PDZK1: variants seen among roughly 807,000 people sequenced by gnomAD.
PDZK1 encodes the protein Na(+)/H(+) exchange regulatory cofactor NHE-RF3.
A neutral mutation model predicts 38.1 loss-of-function variants in PDZK1; 23 were observed. The ratio of observed to expected loss-of-function variants is 0.60; its 90% confidence interval spans 0.43 to 0.85. PDZK1 has a LOEUF of 0.85. PDZK1 is among the 40% of genes least tolerant of loss of function. The pLI is 0.00. For missense variants in PDZK1, 297 were observed against 504.3 expected (o/e 0.59, Z 3.94); for synonymous variants, 98 against 186.2 (o/e 0.53, Z 3.86).
chr1:145,696,314 C>G (rs921735584), intron 1 of PDZK1, among the ~76,000 whole-genome samples: 1 of 152,202 alleles, frequency 6.6e-6, no homozygotes, highest in Non-Finnish European at 1.5e-5. Flanking sequence ...ACTAACCAGC[C>G]TGGATAGCTT....
intron 5 of PDZK1, among the ~76,000 whole-genome samples, chr1:145,680,175 T>A (rs1217964396): frequency 6.6e-6 from 1 of 152,184 alleles, no homozygotes; most frequent in Non-Finnish European, 1.5e-5. Context: ...ACATATCTCT[T>A]ATCTACTAAA....
chr1:145,674,524 A>G (rs587769579), intron 6 of PDZK1, among the ~76,000 whole-genome samples: 1 of 152,334 alleles, frequency 6.6e-6, no homozygotes, highest in South Asian at 2.1e-4. Context: ...TCTGTCTGCT[A>G]GAGCTGGGAT....
chr1:145,689,606 T>C (rs1403379839), intron 1 of PDZK1, among the ~76,000 whole-genome samples: 3 of 152,158 alleles, frequency 2.0e-5, no homozygotes, highest in Non-Finnish European at 2.9e-5. Context: ...AAGAGGCTGA[T>C]ACAGAAGGCA....
At chr1:145,672,318 G>T (rs1653154335) in intron 8 of PDZK1, among the ~76,000 whole-genome samples, 1 of 151,292 alleles carries the variant, frequency 6.6e-6, no homozygotes, top group East Asian at 1.9e-4. Flanking sequence ...TAGTTAACAT[G>T]ATCCTGATAA....
chr1:145,696,226 C>T (rs1655620608), intron 1 of PDZK1, among the ~76,000 whole-genome samples: 1 of 152,224 alleles, frequency 6.6e-6, no homozygotes, highest in Non-Finnish European at 1.5e-5. Context: ...TCTGTAGCCA[C>T]TCACTTATCT....
At chr1:145,682,771 G>A (rs1654394761) in intron 3 of PDZK1, 135 bp from the exon 4 acceptor site, 27 of 1,185,954 alleles carry the variant, frequency 2.3e-5, no homozygotes, top group Non-Finnish European at 2.5e-5. Flanking sequence ...ACTGTCCCTA[G>A]TCTAAGAACA....
At chr1:145,707,161 A>T (rs1259638370) in intron 1 of PDZK1, among the ~76,000 whole-genome samples, 156 bp downstream of exon 1, 1 of 151,414 alleles carries the variant, frequency 6.6e-6, no homozygotes, top group Non-Finnish European at 1.5e-5. Context: ...ACCCCCAACC[A>T]CCGCCAAAGG....
At position 145,695,416 on chromosome 1, in the gene PDZK1, G is replaced by A. The variant is rs587761671; in HGVS notation, c.-2-7393C>T. Among the ~76,000 whole-genome samples, 5 of 151,964 alleles carry A rather than the reference G, an allele frequency of 3.3e-5. No homozygotes were observed. The East Asian group carries it at 9.7e-4, about 29-fold the overall frequency. ...AGCCCGGGTGACAGAGTGAGACACT[G>A]TCGAAAGAGAGAAAGAGGAGAGAGA... On this transcript the variant is annotated intron_variant, in intron 1 of 8. Transcript: ENST00000417171.
intron 6 of PDZK1, among the ~76,000 whole-genome samples, chr1:145,674,767 A>G (rs587727174): frequency 1.3e-5 from 2 of 152,266 alleles, no homozygotes; most frequent in Non-Finnish European, 2.9e-5. Flanking sequence ...GGGGCTTCTC[A>G]GCCTCCATAA....
At chr1:145,677,339 A>C (rs1553699475) in intron 6 of PDZK1, among the ~76,000 whole-genome samples, 1 of 151,330 alleles carries the variant, frequency 6.6e-6, no homozygotes, top group African/African-American at 2.4e-5. Flanking sequence ...TATTAATTAC[A>C]CCATCCAGCA....
Position 145,671,192 on chromosome 1 carries a change from C to G in PDZK1, c.*244G>C, listed in dbSNP as rs183022095. 12 of 1,096,666 alleles carry G rather than the reference C, an allele frequency of 1.1e-5. No homozygotes were observed. The African/African-American group carries it at 1.9e-4, about 18-fold the overall frequency. 67.9% of individuals were successfully genotyped at this position (1,096,666 alleles called of 1,614,324 possible). A position where few individuals can be genotyped will look rare whatever the true frequency, so the allele number is the denominator to read the frequency against. On this transcript the variant is annotated 3_prime_UTR_variant, in exon 9 of 9. Coordinates refer to ENST00000417171, the MANE Select transcript of PDZK1 (RefSeq NM_001201325.2). ...AGTTAAGTTGAAGCTTGGAAAAGAT[C>G]ACATGAAAAAAATCTAGCTCTTGCC...
At chr1:145,693,640 G>A (rs1026799083) in intron 1 of PDZK1, among the ~76,000 whole-genome samples, 1 of 152,048 alleles carries the variant, frequency 6.6e-6, no homozygotes, top group South Asian at 2.1e-4. Context: ...CGGGCGTGGT[G>A]GCGGGCGCCT....
chr1:145,690,470 A>G (rs1034163394), intron 1 of PDZK1, among the ~76,000 whole-genome samples: 19 of 152,242 alleles, frequency 1.2e-4, no homozygotes, highest in Admixed American at 6.5e-5. Context: ...AAATAAAACA[A>G]TGTCAAACAA....
intron 1 of PDZK1, among the ~76,000 whole-genome samples, chr1:145,695,056 C>A (rs1478377542): frequency 1.3e-5 from 2 of 151,988 alleles, no homozygotes; most frequent in Admixed American, 6.6e-5. Context: ...GATGACATTT[C>A]AACAAGTGCA....
intron 1 of PDZK1, among the ~76,000 whole-genome samples, chr1:145,695,974 TC>T (rs1269857785): frequency 6.6e-6 from 1 of 152,124 alleles, no homozygotes; most frequent in African/African-American, 2.4e-5. Context: ...ATGACAAGTG[TC>T]CAGGAGGAAC....
At chr1:145,692,093 A>T (rs1457170496) in intron 1 of PDZK1, among the ~76,000 whole-genome samples, 1 of 152,184 alleles carries the variant, frequency 6.6e-6, no homozygotes, top group Non-Finnish European at 1.5e-5. Context: ...AAGAAGAAAC[A>T]TTAAATACCC....
chr1:145,689,779 G>A (rs1303916398), intron 1 of PDZK1, among the ~76,000 whole-genome samples: 22 of 152,064 alleles, frequency 1.4e-4, no homozygotes, highest in Admixed American at 1.4e-3. Context: ...TATGGGGGAG[G>A]GTGAAGAATA....
intron 1 of PDZK1, among the ~76,000 whole-genome samples, chr1:145,701,893 A>G (rs1437440652): frequency 6.6e-6 from 1 of 152,198 alleles, no homozygotes; most frequent in Admixed American, 6.5e-5. Context: ...GGCTGCCTGG[A>G]TTTCTCCTCT....
chr1:145,696,195 G>A (rs782140278), intron 1 of PDZK1, among the ~76,000 whole-genome samples: 1 of 152,196 alleles, frequency 6.6e-6, no homozygotes, highest in Non-Finnish European at 1.5e-5. Flanking sequence ...CTTAGTCCAG[G>A]GGTTGCAAGG....
Sources: gnomAD v4.1 joint callset for allele counts (sites outside exome capture counted in the v4.1 genomes callset) on GRCh38, gnomAD v4.1.1 for gene constraint, MANE v1.5 for transcripts, NCBI Gene and HGNC (gene_info 2026-07-23, HGNC 2026-07-21) for gene names.